The following CERS6 variants were observed in gnomAD, a reference collection of about 807,000 sequenced individuals.
CERS6 encodes LAG1 homolog, ceramide synthase 6.
A neutral mutation model predicts 56.8 loss-of-function variants in CERS6; 26 were observed. The ratio of observed to expected loss-of-function variants is 0.46; its 90% confidence interval spans 0.34 to 0.63. CERS6 has a LOEUF of 0.63. Among genes scored for constraint, CERS6 ranks in the 30% least tolerant of loss-of-function variants. The pLI, the probability that CERS6 is intolerant of heterozygous loss-of-function variation, is 0.01. For missense variants in CERS6, 415 were observed against 467.5 expected, an observed-to-expected ratio of 0.89 and a Z score of 1.04; for synonymous variants, 164 against 173.3, an observed-to-expected ratio of 0.95 and a Z score of 0.42.
chr2:168,597,620 T>C (rs1683832878), intron 3 of CERS6, among the ~76,000 whole-genome samples: 1 of 152,182 alleles, frequency 6.6e-6, no homozygotes, highest in Non-Finnish European at 1.5e-5. Context: ...CCCTTAGCTA[T>C]AAGACACATC....
chr2:168,601,515 T>C (rs1683931174), intron 3 of CERS6, among the ~76,000 whole-genome samples: 1 of 151,986 alleles, frequency 6.6e-6, no homozygotes, highest in Non-Finnish European at 1.5e-5. Context: ...TAGAGGAGAA[T>C]GTTGAACATT....
At chr2:168,521,302 C>T (rs893337036) in intron 1 of CERS6, among the ~76,000 whole-genome samples, 1 of 152,132 alleles carries the variant, frequency 6.6e-6, no homozygotes, top group African/African-American at 2.4e-5. Context: ...AGTGGGGAAA[C>T]CAGAGCCCTT....
At chr2:168,526,672 T>A (rs183968480) in intron 1 of CERS6, among the ~76,000 whole-genome samples, 21 of 152,344 alleles carry the variant, frequency 1.4e-4, no homozygotes, top group African/African-American at 3.6e-4. Flanking sequence ...ACAGCTTGCC[T>A]TTAAAGCTGT....
intron 3 of CERS6, among the ~76,000 whole-genome samples, chr2:168,613,972 A>T (rs1220168525): frequency 6.6e-6 from 1 of 152,198 alleles, no homozygotes; most frequent in Admixed American, 6.5e-5. Context: ...TCAGCTAAGA[A>T]CTTCATTGTG....
At chr2:168,583,722 A>C (rs2105398139) in intron 3 of CERS6, among the ~76,000 whole-genome samples, 1 of 152,318 alleles carries the variant, frequency 6.6e-6, no homozygotes, top group Middle Eastern at 3.4e-3. Context: ...GAAAGGCTAC[A>C]GGGTCCATTT....
rs577288711 is a variant in CERS6, at chr2:168,466,950, T to C, written c.170+10332T>C. 2.6e-5 allele frequency among the ~76,000 whole-genome samples: 4 copies of C among 152,338 alleles called. No individual in the cohort carries two copies. In the East Asian group the frequency reaches 7.7e-4, roughly 29 times the overall value. On this transcript the variant is annotated intron_variant, in intron 1 of 9. Transcript: ENST00000305747. ...CGCCATTGTCTACATAAATGTCACA[T>C]CTTATCTTTGAGGTTTTCAGGTTAC...
chr2:168,718,088 G>T (rs759232405), intron 8 of CERS6, 110 bp downstream of exon 8: 14 of 715,548 alleles, frequency 2.0e-5, no homozygotes, highest in Admixed American at 2.9e-5. Context: ...AATATATTGG[G>T]GGGGAGGGGA....
intron 3 of CERS6, among the ~76,000 whole-genome samples, chr2:168,596,554 C>CT (rs776287253): frequency 1.5e-5 from 2 of 134,020 alleles, no homozygotes; most frequent in African/African-American, 5.9e-5. Context: ...CATCCCCCCC[C>CT]CTTTTTTTTT....
At chr2:168,504,362 T>C (rs1168849065) in intron 1 of CERS6, among the ~76,000 whole-genome samples, 3 of 149,680 alleles carry the variant, frequency 2.0e-5, no homozygotes, top group Non-Finnish European at 3.0e-5. Flanking sequence ...CAGAGTGAGA[T>C]CCCATTTAAA....
chr2:168,641,690 G>A (rs1419218809), intron 4 of CERS6, among the ~76,000 whole-genome samples: 1 of 152,138 alleles, frequency 6.6e-6, no homozygotes, highest in African/African-American at 2.4e-5. Context: ...GCCACGAGAG[G>A]TGTTCAATAA....
rs1049140249 is a variant in CERS6, at chr2:168,750,918, C to T, written c.846-14674C>T. Among the ~76,000 whole-genome samples, 5 of 152,130 alleles carry T rather than the reference C, an allele frequency of 3.3e-5. No homozygotes were observed. The East Asian group carries it at 9.6e-4, about 29-fold the overall frequency. On this transcript the variant is annotated intron_variant, in intron 8 of 9. Coordinates refer to ENST00000305747, the MANE Select transcript of CERS6 (RefSeq NM_203463.3). Reference sequence around the variant, plus strand: ...TCACTATTATGTATCCTCCATAGTTCCTGGAAGTGTTGGGCATACAATACA... The same window carrying T: ...TCACTATTATGTATCCTCCATAGTTTCTGGAAGTGTTGGGCATACAATACA...
chr2:168,477,089 C>A (rs1694085460), intron 1 of CERS6, among the ~76,000 whole-genome samples: 1 of 151,640 alleles, frequency 6.6e-6, no homozygotes, highest in Non-Finnish European at 1.5e-5. Flanking sequence ...GGTGAGGCAC[C>A]TCTTCCTGGT....
chr2:168,729,029 AAG>A (rs1683440157), intron 8 of CERS6, among the ~76,000 whole-genome samples: 1 of 151,670 alleles, frequency 6.6e-6, no homozygotes. Flanking sequence ...AAAAAAAAAA[AAG>A]GTGCATTGTC....
intron 4 of CERS6, among the ~76,000 whole-genome samples, chr2:168,688,934 G>A (rs981050588): frequency 5.3e-5 from 8 of 152,294 alleles, no homozygotes; most frequent in African/African-American, 9.6e-5. Context: ...AGACTAATCA[G>A]CCAAGAAGCT....
intron 8 of CERS6, among the ~76,000 whole-genome samples, chr2:168,753,933 C>A (rs975989708): frequency 6.6e-6 from 1 of 152,078 alleles, no homozygotes; most frequent in Admixed American, 6.5e-5. Flanking sequence ...GCCGCCCACG[C>A]CATGCCCAAC....
At chr2:168,768,244 T>G (rs72881731) in intron 9 of CERS6, among the ~76,000 whole-genome samples, 19,455 of 150,898 alleles carry the variant, frequency 0.13, 1,537 homozygotes, top group African/African-American at 0.22. Context: ...GTTTTGTTTT[T>G]TTTTTTAAGA....
intron 9 of CERS6, among the ~76,000 whole-genome samples, chr2:168,766,101 C>T (rs190941086): frequency 1.0e-3 from 158 of 152,220 alleles, no homozygotes; most frequent in African/African-American, 3.7e-3. Context: ...TGCTGTATGC[C>T]GGTTTAAACA....
At chr2:168,563,090 T>C (rs1695821413) in intron 3 of CERS6, among the ~76,000 whole-genome samples, 1 of 152,152 alleles carries the variant, frequency 6.6e-6, no homozygotes, top group Non-Finnish European at 1.5e-5. Context: ...ACTATTGTAT[T>C]TGAGATTTTA....
intron 4 of CERS6, among the ~76,000 whole-genome samples, chr2:168,661,398 G>A (rs73970090): frequency 0.057 from 8,686 of 152,204 alleles, 328 homozygotes; most frequent in African/African-American, 0.11. Context: ...TGTACCATTC[G>A]TAGACAGGCT....
Sources: gnomAD v4.1 joint callset for allele counts (sites outside exome capture counted in the v4.1 genomes callset) on GRCh38, gnomAD v4.1.1 for gene constraint, MANE v1.5 for transcripts, NCBI Gene and HGNC (gene_info 2026-07-23, HGNC 2026-07-21) for gene names.